Variants in ERBIN observed in about 807,000 individuals in gnomAD.
ERBIN encodes densin-180-like protein.
Under a neutral mutation model 158.4 loss-of-function variants are expected in ERBIN, and 60 were observed. That is an observed-to-expected ratio of 0.38 (90% CI 0.31 to 0.47). The LOEUF (loss-of-function observed/expected upper bound fraction) is 0.47, where lower values mean the gene tolerates loss of function less well. Among genes scored for constraint, ERBIN ranks in the 20% least tolerant of loss-of-function variants. The pLI is 0.99. For missense variants in ERBIN, 1,610 were observed against 1,648.0 expected (o/e 0.98, Z 0.40); for synonymous variants, 594 against 557.2 (o/e 1.07, Z -0.93).
At chr5:66,045,591 C>G (rs2151210294) in intron 17 of ERBIN, among the ~76,000 whole-genome samples, 1 of 152,260 alleles carries the variant, frequency 6.6e-6, no homozygotes, top group East Asian at 1.9e-4. Flanking sequence ...GAACATACCA[C>G]TGTTGTTAAG....
chr5:66,063,775 GGAT>G (rs1276586535), intron 21 of ERBIN, among the ~76,000 whole-genome samples: 1 of 152,142 alleles, frequency 6.6e-6, no homozygotes, highest in Non-Finnish European at 1.5e-5. Flanking sequence ...TATTTATCAA[GGAT>G]GATGATCTTG....
chr5:66,058,072 A>G (rs1580493891), intron 21 of ERBIN, among the ~76,000 whole-genome samples: 1 of 152,012 alleles, frequency 6.6e-6, no homozygotes, highest in East Asian at 1.9e-4. Flanking sequence ...GCTGGGTCAA[A>G]TGGTATTTCT....
chr5:65,963,403 C>T (rs1490444297), intron 1 of ERBIN, among the ~76,000 whole-genome samples: 1 of 152,080 alleles, frequency 6.6e-6, no homozygotes, highest in Non-Finnish European at 1.5e-5. Context: ...ACATGACAGC[C>T]TGGCCAACAC....
chr5:66,023,744 C>G (rs991618105), intron 9 of ERBIN, among the ~76,000 whole-genome samples: 3 of 148,978 alleles, frequency 2.0e-5, no homozygotes, highest in African/African-American at 7.5e-5. Context: ...GGTGCGATCT[C>G]GGCTCACTGC....
chr5:65,931,460 T>C (rs1009057510), intron 1 of ERBIN, among the ~76,000 whole-genome samples: 6 of 152,250 alleles, frequency 3.9e-5, no homozygotes, highest in African/African-American at 1.4e-4. Context: ...TGTTATAATA[T>C]GGTATAATTA....
chr5:66,023,044 C>A, intron 8 of ERBIN: 1 of 338,280 alleles, frequency 3.0e-6, no homozygotes, highest in Non-Finnish European at 5.3e-6. Context: ...TTGTAATCTA[C>A]TGCTATGGCA....
At chr5:66,006,150 A>C (rs1753569205) in intron 4 of ERBIN, among the ~76,000 whole-genome samples, 1 of 152,212 alleles carries the variant, frequency 6.6e-6, no homozygotes, top group South Asian at 2.1e-4. Context: ...CTACACTACA[A>C]GGCTACAGTA....
At position 66,046,525 on chromosome 5, in the gene ERBIN, A is replaced by T. The variant is rs1162384318; in HGVS notation, c.1775A>T (p.Asp592Val). Reference sequence around the variant, plus strand: ...AACTTGAAGCATATTGTTAACCATGATGATGTTTTTGAGGTATGATTTTAT... The same window carrying T: ...AACTTGAAGCATATTGTTAACCATGTTGATGTTTTTGAGGTATGATTTTAT... ...SENLKHIVNH[D>V]DVFEESEELS... Residue 592 changes from aspartate to valine, a missense_variant, in exon 18 of 26, where the codon GAT becomes GTT. By Grantham distance (152) the Asp-to-Val change is radical (BLOSUM62 -3). Coordinates refer to ENST00000284037, the MANE Select transcript of ERBIN (RefSeq NM_001253697.2). The T allele has an allele frequency of 1.3e-6, 2 of 1,580,930 alleles. No individual in the cohort carries two copies. The highest frequency in any genetic ancestry group is 1.7e-6 in the Non-Finnish European group (2 of 1,163,780).
chr5:65,951,650 G>GAATACCACCTC (rs1358412765), intron 1 of ERBIN, among the ~76,000 whole-genome samples: 2 of 152,014 alleles, frequency 1.3e-5, no homozygotes, highest in Non-Finnish European at 2.9e-5. Flanking sequence ...AAAAATCAAG[G>GAATACCACCTC]AATACCACCT....
At chr5:65,928,627 A>G (rs899988000) in intron 1 of ERBIN, among the ~76,000 whole-genome samples, 1 of 152,122 alleles carries the variant, frequency 6.6e-6, no homozygotes, top group African/African-American at 2.4e-5. Context: ...TTTTTTTCTC[A>G]GGAGAAGAGT....
intron 21 of ERBIN, among the ~76,000 whole-genome samples, chr5:66,067,775 C>A (rs530999654): frequency 2.0e-5 from 3 of 152,050 alleles, no homozygotes; most frequent in Non-Finnish European, 4.4e-5. Context: ...AAGTTATACT[C>A]ACCAAGCCTG....
At chr5:66,015,271 G>T (rs544358751) in intron 7 of ERBIN, among the ~76,000 whole-genome samples, 1 of 152,192 alleles carries the variant, frequency 6.6e-6, no homozygotes, top group African/African-American at 2.4e-5. Flanking sequence ...TGTAGTCTGT[G>T]GCCTTTTATT....
intron 1 of ERBIN, among the ~76,000 whole-genome samples, chr5:65,964,580 C>G (rs1374773206): frequency 1.3e-5 from 2 of 152,060 alleles, no homozygotes; most frequent in African/African-American, 2.4e-5. Flanking sequence ...TATGTACTTG[C>G]AACAAACATG....
At position 66,079,387 on chromosome 5, in the gene ERBIN, TC is replaced by T. The variant is rs1411647642; in HGVS notation, c.*858del. 2 of 152,068 alleles carry T rather than the reference TC, an allele frequency of 1.3e-5. No individual in the cohort carries two copies. Among genetic ancestry groups the T allele is most frequent in the African/African-American group, 4.8e-5 (2 of 41,310 alleles). 9.4% of individuals were successfully genotyped at this position (152,068 alleles called of 1,614,324 possible). A position where few individuals can be genotyped will look rare whatever the true frequency, so the allele number is the denominator to read the frequency against. On this transcript the variant is annotated 3_prime_UTR_variant, in exon 26 of 26. Coordinates refer to ENST00000284037, the MANE Select transcript of ERBIN (RefSeq NM_001253697.2). The stretch of plus-strand genomic sequence containing the variant: ...AAATCCACTGATTTTTTTTTTTTTT[TC>T]AAATGGTGGTACTTGCAATCTGTTT...
intron 21 of ERBIN, among the ~76,000 whole-genome samples, chr5:66,063,438 C>T (rs1345279324): frequency 6.6e-6 from 1 of 152,182 alleles, no homozygotes; most frequent in African/African-American, 2.4e-5. Context: ...TGCCATCTGT[C>T]ACCCCTTCCT....
In ERBIN at chr5:66,021,448, AATTAATGTATTTCTCTTAC is replaced by A; in HGVS notation, c.597+65_597+83del. ...TATTTAATGAAGAACAAAATATGAA[AATTAATGTATTTCTCTTAC>A]AAATTGGATAAAGGTTTACTTTTTT... On this transcript the variant is annotated intron_variant, in intron 8 of 25. Transcript: ENST00000284037. 3 of 1,186,900 alleles carry A rather than the reference AATTAATGTATTTCTCTTAC, an allele frequency of 2.5e-6. No homozygotes were observed. In the South Asian group the frequency reaches 4.3e-5, roughly 17 times the overall value. The allele number at this position is 1,186,900 out of a possible 1,614,324, so 73.5% of individuals were successfully genotyped here.
At chr5:66,010,695 G>T (rs1337604879) in intron 4 of ERBIN, among the ~76,000 whole-genome samples, 1 of 152,134 alleles carries the variant, frequency 6.6e-6, no homozygotes, top group Non-Finnish European at 1.5e-5. Flanking sequence ...GTCTGAAATG[G>T]TTCTCTAATG....
chr5:66,042,582 T>C (rs1169888087), intron 15 of ERBIN, among the ~76,000 whole-genome samples: 1 of 152,248 alleles, frequency 6.6e-6, no homozygotes, highest in East Asian at 1.9e-4. Context: ...TTTGGATTTT[T>C]TGGATTAGGG....
At position 66,072,225 on chromosome 5, in the gene ERBIN, A is replaced by G. The variant is rs1331152420; in HGVS notation, c.3690A>G (p.Ser1230=). The change falls in exon 22 of 26, where the codon TCA becomes TCG. Residue 1230 remains serine, a synonymous_variant. Transcript: ENST00000284037. ...GDPCQDGIFI[S]GQQNYSSATL... ...CTTGTCAAGATGGTATATTCATTTC[A>G]GGACAGCAGAACTACTCATCAGCCA... 3 of 1,550,456 alleles carry G rather than the reference A, an allele frequency of 1.9e-6. No homozygotes were observed. Among genetic ancestry groups the G allele is most frequent in the South Asian group, 1.2e-5 (1 of 84,054 alleles).
Sources: allele counts gnomAD v4.1 joint callset (sites outside exome capture counted in the v4.1 genomes callset), GRCh38; gene constraint gnomAD v4.1.1; transcripts MANE v1.5; gene names NCBI Gene and HGNC (gene_info 2026-07-23, HGNC 2026-07-21).